Variants in SLIT3 observed in about 807,000 individuals in gnomAD.
SLIT3 encodes slit homolog 3 protein.
In SLIT3, 68 loss-of-function variants were observed where a neutral mutation model predicts 184.0. That is an observed-to-expected ratio of 0.37 (90% CI 0.30 to 0.45). The LOEUF is 0.45. Among genes scored for constraint, SLIT3 ranks in the 20% least tolerant of loss-of-function variants. The pLI is 1.00. For missense variants in SLIT3, 1,707 were observed against 2,026.0 expected (o/e 0.84, Z 3.02); for synonymous variants, 831 against 828.6 (o/e 1.00, Z -0.05).
intron 26 of SLIT3, among the ~76,000 whole-genome samples, chr5:168,705,203 G>A (rs1001437622): frequency 6.6e-6 from 1 of 152,194 alleles, no homozygotes; most frequent in Non-Finnish European, 1.5e-5. Context: ...GGCAGTGAGT[G>A]CAGTGGCCAG....
chr5:169,173,175 C>T (rs1472099657), intron 4 of SLIT3, among the ~76,000 whole-genome samples: 2 of 152,142 alleles, frequency 1.3e-5, no homozygotes, highest in East Asian at 1.9e-4. Flanking sequence ...GCAGGATAAT[C>T]GCTTGAACCC....
intron 4 of SLIT3, chr5:169,023,748 T>C (rs900246819): frequency 2.6e-5 from 4 of 152,258 alleles, no homozygotes; most frequent in Admixed American, 6.5e-5. Context: ...AAGGTAATAA[T>C]GCTGGGATGG....
intron 15 of SLIT3, 40 bp downstream of exon 15, chr5:168,762,499 G>A: frequency 6.3e-7 from 1 of 1,596,338 alleles, no homozygotes; most frequent in Non-Finnish European, 8.6e-7. Context: ...TGACTGGCGT[G>A]TGGGGAGGAG....
At chr5:168,973,709 A>T (rs1754659114) in intron 4 of SLIT3, among the ~76,000 whole-genome samples, 1 of 152,184 alleles carries the variant, frequency 6.6e-6, no homozygotes, top group African/African-American at 2.4e-5. Context: ...AAGAAGCCCC[A>T]TATCCCTTAG....
intron 1 of SLIT3, among the ~76,000 whole-genome samples, chr5:169,262,008 A>G (rs1369337137): frequency 6.6e-6 from 1 of 152,204 alleles, no homozygotes; most frequent in Non-Finnish European, 1.5e-5. Flanking sequence ...ATAGACTGCA[A>G]GGAACTGAAT....
chr5:168,728,243 C>T (rs1318249155), intron 20 of SLIT3, among the ~76,000 whole-genome samples: 1 of 151,216 alleles, frequency 6.6e-6, no homozygotes, highest in Non-Finnish European at 1.5e-5. Flanking sequence ...ACCACAGGCA[C>T]TCAAAATCAA....
rs773113879 is a variant in SLIT3 at position 168,666,726 on chromosome 5, A to T, written c.4337-37T>A. The T allele has an allele frequency of 5.0e-6, 8 of 1,613,516 alleles. No homozygotes were observed. In the Admixed American group the frequency reaches 1.0e-4, roughly 20 times the overall value. ...ATAGAAGTCAGGGCATTGGTGGTCT[A>T]GGTGGCCAGCAGGACCATGAGCAGT... On this transcript the variant is annotated intron_variant, in intron 35 of 35. Transcript: ENST00000519560.
chr5:168,757,214 T>A (rs1253457097), intron 16 of SLIT3, among the ~76,000 whole-genome samples: 1 of 152,190 alleles, frequency 6.6e-6, no homozygotes, highest in East Asian at 1.9e-4. Flanking sequence ...CCCAGGGGGC[T>A]TCTCTCCATC....
chr5:169,104,227 G>A (rs776110531), intron 4 of SLIT3, among the ~76,000 whole-genome samples: 14 of 152,110 alleles, frequency 9.2e-5, no homozygotes, highest in African/African-American at 1.2e-4. Flanking sequence ...AAGCCGCGCC[G>A]GGAAGCAGCC....
rs749166577 is a variant in SLIT3 at position 168,666,555 on chromosome 5, G to A, written c.4471C>T (p.Arg1491Cys). Residue 1491 changes from arginine (R) to cysteine (C), a missense_variant, in exon 36 of 36, where the codon CGC (arginine) becomes TGC (cysteine). Arg to Cys is a radical substitution (Grantham distance 180). Around this residue, in one of 3 missense-constraint regions of SLIT3, gnomAD observed 387 missense variants for 477.9 expected, o/e 0.81. Coordinates refer to ENST00000519560, the MANE Select transcript of SLIT3 (RefSeq NM_003062.4). ...GCGPQCCQPT[R>C]SKRRKYVFQC... ...AAGACGTATTTCCGCCGCTTGCTGC[G>A]GGTGGGCTGGCAGCACTGGGGCCCA... 1.2e-5 allele frequency: 19 copies of A among 1,613,864 alleles called. No homozygotes were observed. The highest frequency in any genetic ancestry group is 4.5e-5 in the East Asian group (2 of 44,888).
intron 18 of SLIT3, 66 bp from the exon 19 acceptor site, chr5:168,749,701 C>T (rs959078713): frequency 1.8e-5 from 27 of 1,542,232 alleles, no homozygotes; most frequent in African/African-American, 1.6e-4. Context: ...GGATCTGCTG[C>T]CCAGAGCCCA....
chr5:168,673,315 C>T lies in SLIT3; in HGVS notation c.3703G>A (p.Asp1235Asn). ...AGCTCCACACTGTGAAACTGCCCAT[C>T]ATTCACTGTCTCCACACTGGCCAGT... is the stretch of plus-strand genomic sequence containing the variant. ...TTVYSVETVN[D>N]GQFHSVELVT... Residue 1235 changes from aspartate to asparagine, a missense_variant, in exon 33 of 36, where the codon GAT (aspartate) becomes AAT (asparagine). Around this residue, in one of 3 missense-constraint regions of SLIT3, gnomAD observed 387 missense variants for 477.9 expected, o/e 0.81. Coordinates refer to ENST00000519560, the MANE Select transcript of SLIT3 (RefSeq NM_003062.4). The T allele has an allele frequency of 6.2e-7, 1 of 1,614,192 alleles. No individual in the cohort carries two copies. The highest frequency in any genetic ancestry group is 1.1e-5 in the South Asian group (1 of 91,074).
chr5:168,817,285 G>A lies in SLIT3; in HGVS notation c.793+15C>T. 6.2e-7 allele frequency: 1 copy of A among 1,613,590 alleles called. No homozygotes were observed. Among genetic ancestry groups the A allele is most frequent in the Non-Finnish European group, 8.5e-7 (1 of 1,179,530 alleles). The stretch of plus-strand genomic sequence containing the variant: ...GTCATAGCACAGGAGGGGAGAGCAG[G>A]TAAAGCATCCTCACCTGGGCACACG... On this transcript the variant is annotated intron_variant, in intron 8 of 35. Transcript: ENST00000519560.
intron 11 of SLIT3, among the ~76,000 whole-genome samples, chr5:168,788,034 C>T (rs1442290982): frequency 6.6e-6 from 1 of 152,094 alleles, no homozygotes; most frequent in Non-Finnish European, 1.5e-5. Context: ...CAGAATCGGG[C>T]AGCAGCATGC....
chr5:169,185,136 C>T (rs1422677152), intron 4 of SLIT3, among the ~76,000 whole-genome samples: 1 of 152,198 alleles, frequency 6.6e-6, no homozygotes. Context: ...TCTGTCCACA[C>T]ACAGATTAAA....
At position 168,665,545 on chromosome 5, in the gene SLIT3, C is replaced by T. The variant is rs1265020869; in HGVS notation, c.*909G>A. On this transcript the variant is annotated 3_prime_UTR_variant, in exon 36 of 36. Coordinates refer to ENST00000519560, the MANE Select transcript of SLIT3 (RefSeq NM_003062.4). Reference sequence around the variant, plus strand: ...ACACCATGATATTCTCTTCCCTCGCCTCCTCTAGGAAGACCCCTCTCCTGG... The same window carrying T: ...ACACCATGATATTCTCTTCCCTCGCTTCCTCTAGGAAGACCCCTCTCCTGG... The T allele has an allele frequency of 2.0e-5, 3 of 152,234 alleles. No individual in the cohort carries two copies. Among genetic ancestry groups the T allele is most frequent in the African/African-American group, 7.2e-5 (3 of 41,458 alleles). 9.4% of individuals were successfully genotyped at this position (152,234 alleles called of 1,614,324 possible).
At chr5:168,877,245 T>A (rs1437137048) in intron 5 of SLIT3, among the ~76,000 whole-genome samples, 1 of 151,970 alleles carries the variant, frequency 6.6e-6, no homozygotes, top group Non-Finnish European at 1.5e-5. Flanking sequence ...GGGAAGGCAG[T>A]GGGGGACAGT....
Position 169,206,162 on chromosome 5 carries a change from C to T in SLIT3, c.342-12612G>A, listed in dbSNP as rs544437217. Among the ~76,000 whole-genome samples, 103 of 152,276 alleles carry T rather than the reference C, an allele frequency of 6.8e-4. 2 individuals are homozygous for T. Among genetic ancestry groups the T allele is most frequent in the East Asian group, 5.8e-4 (3 of 5,188 alleles). On this transcript the variant is annotated intron_variant, in intron 3 of 35. Transcript: ENST00000519560. ...GGGCAGGGAAGAGGGACTGAGAATG[C>T]GTTAGCAACACTCTGCAAAAGCACG...
At chr5:169,200,172 G>T (rs1470094464) in intron 3 of SLIT3, among the ~76,000 whole-genome samples, 1 of 152,212 alleles carries the variant, frequency 6.6e-6, no homozygotes, top group Non-Finnish European at 1.5e-5. Context: ...AAAGGGAAGG[G>T]GTGAGGGGCC....
Sources: gnomAD v4.1 joint callset for allele counts (sites outside exome capture counted in the v4.1 genomes callset) on GRCh38, gnomAD v4.1.1 for gene constraint, gnomAD v4.1.1 regional missense constraint, MANE v1.5 for transcripts, NCBI Gene and HGNC (gene_info 2026-07-23, HGNC 2026-07-21) for gene names.